Variants in STAT2 observed in about 807,000 individuals in gnomAD.
The protein encoded by STAT2 is interferon alpha induced transcriptional activator.
A neutral mutation model predicts 122.3 loss-of-function variants in STAT2; 51 were observed. That is an observed-to-expected ratio of 0.42 (90% CI 0.33 to 0.53). The LOEUF (loss-of-function observed/expected upper bound fraction) is 0.53. STAT2 is among the 20% of genes least tolerant of loss of function. The pLI is 0.10. For synonymous variants in STAT2, 351 were observed against 394.9 expected, an observed-to-expected ratio of 0.89 and a Z score of 1.32; for missense variants, 736 against 1,010.3, an observed-to-expected ratio of 0.73 and a Z score of 3.68.
chr12:56,359,162 C>G (rs1355393882), intron 1 of STAT2, among the ~76,000 whole-genome samples: 1 of 152,096 alleles, frequency 6.6e-6, no homozygotes, highest in Non-Finnish European at 1.5e-5. Flanking sequence ...CTACCTCCAG[C>G]AGGAACAAGG....
chr12:56,357,892 G>T (rs896805914), intron 1 of STAT2, among the ~76,000 whole-genome samples: 3 of 151,432 alleles, frequency 2.0e-5, no homozygotes, highest in Non-Finnish European at 2.9e-5. Context: ...TGTAGAGATG[G>T]GATTTTGCCA....
chr12:56,345,931 A>G (rs1340184286), intron 22 of STAT2, among the ~76,000 whole-genome samples: 1 of 152,044 alleles, frequency 6.6e-6, no homozygotes, highest in Non-Finnish European at 1.5e-5. Flanking sequence ...GAACCAGAAA[A>G]AACTAGAGTG....
chr12:56,349,759 T>C, intron 13 of STAT2, 123 bp from the exon 14 acceptor site: 3 of 1,309,146 alleles, frequency 2.3e-6, no homozygotes, highest in Non-Finnish European at 3.3e-6. Flanking sequence ...TCCTTTGGAC[T>C]AAAAGCAGGC....
Position 56,354,580 on chromosome 12 carries a change from C to A in STAT2, c.668G>T (p.Arg223Leu). Residue 223 changes from arginine (R) to leucine (L), a missense_variant, in exon 8 of 24, where the codon CGA becomes CTA. Coordinates refer to ENST00000314128, the MANE Select transcript of STAT2 (RefSeq NM_005419.4). Reference protein sequence around the residue: ...VLDASKALLGRLTTLIELLLP... With the variant: ...VLDASKALLGLLTTLIELLLP... Reference sequence around the variant, plus strand: ...CAGTAGCTCGATTAGGGTAGTTAATCGGCCTAGCAGTGCTTTGGAGGCATC... The same window carrying A: ...CAGTAGCTCGATTAGGGTAGTTAATAGGCCTAGCAGTGCTTTGGAGGCATC... 6.2e-7 allele frequency: 1 copy of A among 1,614,152 alleles called. No homozygotes were observed. Among genetic ancestry groups the A allele is most frequent in the South Asian group, 1.1e-5 (1 of 91,080 alleles).
intron 8 of STAT2, among the ~76,000 whole-genome samples, chr12:56,354,158 C>T (rs1422974504): frequency 2.0e-5 from 3 of 146,584 alleles, no homozygotes; most frequent in African/African-American, 5.0e-5. Context: ...TCCTTCCTTC[C>T]TTCCTTTCTT....
At chr12:56,357,969 C>T (rs528606626) in intron 1 of STAT2, among the ~76,000 whole-genome samples, 6 of 151,988 alleles carry the variant, frequency 3.9e-5, no homozygotes, top group South Asian at 2.1e-4. Context: ...TCCAAAATGC[C>T]GGGATTAACA....
Position 56,346,943 on chromosome 12 carries a change from G to A in STAT2, c.1737C>T (p.Gly579=). ...GGCGCTCCTGGCTCCGACTCACAAA[G>A]CCCATGATGCGTCTGGAGCACAGAG... ...KDLWNDGRIM[G]FVSRSQERRL... is the part of the protein sequence containing the mutation. Residue 579 remains glycine (G), a synonymous_variant, in exon 20 of 24, where the codon GGC becomes GGT. Transcript: ENST00000314128. 6.2e-7 allele frequency: 1 copy of A among 1,614,148 alleles called. No homozygotes were observed. Among genetic ancestry groups the A allele is most frequent in the South Asian group, 1.1e-5 (1 of 91,086 alleles).
Position 56,354,539 on chromosome 12 carries a change from C to T in STAT2, c.709G>A (p.Glu237Lys). The change falls in exon 8 of 24, where the codon GAG (glutamate) becomes AAG (lysine). Residue 237 changes from glutamate (E) to lysine (K), a missense_variant. Transcript: ENST00000314128. ...LIELLLPKLE[E>K]WKAQQQKACI... is the part of the protein sequence containing the mutation. ...GCTTTTTGCTGCTGGGCCTTCCACT[C>T]CTCCAACTTTGGCAGCAGTAGCTCG... is the stretch of plus-strand genomic sequence containing the variant. 1 of 1,614,198 alleles carries T rather than the reference C, an allele frequency of 6.2e-7. No homozygotes were observed. Among genetic ancestry groups the T allele is most frequent in the Non-Finnish European group, 8.5e-7 (1 of 1,180,036 alleles).
chr12:56,350,291 A>C, intron 12 of STAT2, 101 bp from the exon 13 acceptor site: 1 of 1,442,342 alleles, frequency 6.9e-7, no homozygotes, highest in Non-Finnish European at 9.5e-7. Context: ...AGATCTCGCC[A>C]TCTCCCTTTG....
Position 56,344,034 on chromosome 12 carries a change from A to G in STAT2, c.2204T>C (p.Leu735Pro), listed in dbSNP as rs777176192. 1 of 1,613,264 alleles carries G rather than the reference A, an allele frequency of 6.2e-7. No individual in the cohort carries two copies. Among genetic ancestry groups the G allele is most frequent in the Non-Finnish European group, 8.5e-7 (1 of 1,179,404 alleles). Residue 735 changes from leucine (L) to proline (P), a missense_variant, in exon 23 of 24, where the codon CTG becomes CCG. Coordinates refer to ENST00000314128, the MANE Select transcript of STAT2 (RefSeq NM_005419.4). ...LGLVPEPELS[L>P]DLEPLLKAGL... ...TGCCTTCAGCAGTGGCTCTAAGTCCAGGCTGAGCTCTGGCTCTGGCACCAG... is the reference window on the plus strand; with the variant it reads ...TGCCTTCAGCAGTGGCTCTAAGTCCGGGCTGAGCTCTGGCTCTGGCACCAG...
intron 22 of STAT2, among the ~76,000 whole-genome samples, chr12:56,345,524 A>AAAAAAAATATATATATATATATATATAT (rs1555169410): frequency 1.9e-4 from 5 of 26,226 alleles, no homozygotes; most frequent in Non-Finnish European, 2.7e-4. Flanking sequence ...AAAAAAAAAA[A>AAAAAAAATATATATATATATATATATAT]ATATATATAT....
chr12:56,350,089 A>G lies in STAT2; in HGVS notation c.1209+8T>C, dbSNP rs1389201759. 3 of 1,605,084 alleles carry G rather than the reference A, an allele frequency of 1.9e-6. No homozygotes were observed. The highest frequency in any genetic ancestry group is 2.6e-6 in the Non-Finnish European group (3 of 1,173,848). ...GTAATAAAAGCATAGGTCACAAACT[A>G]TTCTTACCAGGTAACCAAAGTCCCA... is the stretch of plus-strand genomic sequence containing the variant. On this transcript the variant is annotated splice_region_variant and intron_variant, in intron 13 of 23. Transcript: ENST00000314128.
chr12:56,356,011 C>T, intron 3 of STAT2, 121 bp downstream of exon 3: 1 of 1,425,466 alleles, frequency 7.0e-7, no homozygotes. Flanking sequence ...ACTCTGTCCT[C>T]CTTTCCCCAC....
intron 19 of STAT2, among the ~76,000 whole-genome samples, chr12:56,348,091 T>TC (rs1444644986): frequency 1.3e-5 from 2 of 148,476 alleles, no homozygotes; most frequent in Non-Finnish European, 3.0e-5. Flanking sequence ...TTGGTTGTTT[T>TC]TTTTTTTTTT....
At chr12:56,355,588 A>C (rs1879378662) in intron 4 of STAT2, 56 bp from the exon 5 acceptor site, 1 of 1,607,792 alleles carries the variant, frequency 6.2e-7, no homozygotes, top group Non-Finnish European at 8.5e-7. Context: ...CCTTAAGTTC[A>C]GGCCTGAAAT....
Position 56,346,461 on chromosome 12 carries a change from C to T in STAT2, c.2025G>A (p.Gly675=), listed in dbSNP as rs1877475972. Residue 675 remains glycine, a synonymous_variant, in exon 21 of 24, where the codon GGG becomes GGA. Coordinates refer to ENST00000314128, the MANE Select transcript of STAT2 (RefSeq NM_005419.4). ...YPRIPRDEAF[G]CYYQEKVNLQ... ...TCCCACCTTTCTCCTGGTAGTAGCA[C>T]CCAAAAGCTTCATCCCGGGGGATTC... 6.2e-7 allele frequency: 1 copy of T among 1,614,084 alleles called. No individual in the cohort carries two copies. The highest frequency in any genetic ancestry group is 8.5e-7 in the Non-Finnish European group (1 of 1,180,038).
chr12:56,354,391 T>G (rs1287083124), intron 8 of STAT2, 75 bp downstream of exon 8: 1 of 1,599,224 alleles, frequency 6.3e-7, no homozygotes, highest in Admixed American at 1.7e-5. Context: ...ACAGTATCTC[T>G]TGCTATATGC....
At chr12:56,347,058 T>G (rs1288342302) in intron 19 of STAT2, 103 bp from the exon 20 acceptor site, 1 of 1,524,008 alleles carries the variant, frequency 6.6e-7, no homozygotes, top group East Asian at 2.3e-5. Flanking sequence ...AGGTTTGGAA[T>G]CCAGGCTTTG....
chr12:56,358,842 G>A (rs1010923622), intron 1 of STAT2, among the ~76,000 whole-genome samples: 5 of 152,140 alleles, frequency 3.3e-5, no homozygotes, highest in Non-Finnish European at 5.9e-5. Context: ...GTTGCAGTAA[G>A]CAGAGATCAC....
Sources: allele counts gnomAD v4.1 joint callset (sites outside exome capture counted in the v4.1 genomes callset), GRCh38; gene constraint gnomAD v4.1.1; transcripts MANE v1.5; gene names NCBI Gene and HGNC (gene_info 2026-07-23, HGNC 2026-07-21).